TMOD1: variants seen among roughly 807,000 people sequenced by gnomAD.
TMOD1 encodes the protein tropomodulin-1.
Under a neutral mutation model 40.6 loss-of-function variants are expected in TMOD1, and 17 were observed. The observed-to-expected ratio is 0.42, with a 90% CI of 0.29 to 0.63. The LOEUF is 0.63. TMOD1 is among the 20% of genes least tolerant of loss of function. The pLI is 0.22. For missense variants in TMOD1, 391 were observed against 447.6 expected (o/e 0.87, Z 1.14); for synonymous variants, 181 against 175.0 (o/e 1.03, Z -0.27).
intron 2 of TMOD1, among the ~76,000 whole-genome samples, chr9:97,531,739 T>G (rs948765885): frequency 6.6e-6 from 1 of 152,176 alleles, no homozygotes; most frequent in African/African-American, 2.4e-5. Context: ...GGCATCTACA[T>G]ACGCGGTACC....
At chr9:97,592,775 A>G (rs1826028068) in intron 9 of TMOD1, among the ~76,000 whole-genome samples, 1 of 152,186 alleles carries the variant, frequency 6.6e-6, no homozygotes, top group African/African-American at 2.4e-5. Context: ...AATTCCACAA[A>G]CATATACCAA....
intron 8 of TMOD1, among the ~76,000 whole-genome samples, chr9:97,583,802 G>A (rs1185310667): frequency 6.9e-6 from 1 of 145,164 alleles, no homozygotes; most frequent in African/African-American, 2.6e-5. Flanking sequence ...GGTGTTTGTA[G>A]TATTCTCTGA....
intron 2 of TMOD1, among the ~76,000 whole-genome samples, chr9:97,537,740 T>C (rs561740992): frequency 2.6e-5 from 4 of 152,370 alleles, no homozygotes; most frequent in Non-Finnish European, 5.9e-5. Context: ...TTAAACTTTG[T>C]ATTTTCAAAA....
intron 1 of TMOD1, among the ~76,000 whole-genome samples, chr9:97,503,645 G>T (rs569404777): frequency 6.6e-6 from 1 of 152,104 alleles, no homozygotes; most frequent in African/African-American, 2.4e-5. Flanking sequence ...AATAGCCTCC[G>T]CCCCACCTTA....
intron 1 of TMOD1, among the ~76,000 whole-genome samples, chr9:97,510,769 C>G (rs1477159321): frequency 1.3e-5 from 2 of 152,088 alleles, no homozygotes; most frequent in Non-Finnish European, 2.9e-5. Flanking sequence ...CTCTGATGGC[C>G]TCTCTTGTTT....
intron 2 of TMOD1, among the ~76,000 whole-genome samples, chr9:97,533,406 T>A (rs1830133000): frequency 6.6e-6 from 1 of 152,252 alleles, no homozygotes. Flanking sequence ...GGAACCATAC[T>A]GTATGGCCAC....
intron 7 of TMOD1, among the ~76,000 whole-genome samples, chr9:97,567,022 T>C (rs1830739247): frequency 6.6e-6 from 1 of 152,274 alleles, no homozygotes; most frequent in Admixed American, 6.5e-5. Context: ...GAAGCTAGTT[T>C]ATCAGGGCTA....
intron 1 of TMOD1, among the ~76,000 whole-genome samples, chr9:97,523,698 C>T (rs1829952383): frequency 6.6e-6 from 1 of 151,944 alleles, no homozygotes; most frequent in Non-Finnish European, 1.5e-5. Context: ...GGTGAGGGGC[C>T]TGTATGCAGT....
intron 9 of TMOD1, among the ~76,000 whole-genome samples, chr9:97,596,591 G>A (rs1274798600): frequency 4.6e-5 from 7 of 152,316 alleles, no homozygotes; most frequent in Non-Finnish European, 8.8e-5. Flanking sequence ...GGGCAGGACC[G>A]GGATTTGAAT....
At position 97,524,316 on chromosome 9, in the gene TMOD1, G is replaced by GT; in HGVS notation, c.120+8_120+9insT. On this transcript the variant is annotated intron_variant, in intron 2 of 9. Transcript: ENST00000259365. ...GATGAGCTGGACCCTGATGTGAGTA[G>GT]GTGCTAAAGGGAAGCACATTGTCAC... 1 of 1,612,646 alleles carries GT rather than the reference G, an allele frequency of 6.2e-7. No homozygotes were observed. Among genetic ancestry groups the GT allele is most frequent in the Non-Finnish European group, 8.5e-7 (1 of 1,179,476 alleles).
intron 9 of TMOD1, 107 bp from the exon 10 acceptor site, chr9:97,599,527 G>A (rs1007693096): frequency 2.9e-5 from 41 of 1,418,764 alleles, no homozygotes; most frequent in Middle Eastern, 3.5e-4. Flanking sequence ...TTCAGACTCT[G>A]TTAACAAACC....
chr9:97,575,943 CCTAT>C (rs1201205112), intron 8 of TMOD1, among the ~76,000 whole-genome samples: 1 of 152,166 alleles, frequency 6.6e-6, no homozygotes, highest in Non-Finnish European at 1.5e-5. Flanking sequence ...TTTGAAAGCG[CCTAT>C]CTTTCAACCT....
intron 9 of TMOD1, among the ~76,000 whole-genome samples, chr9:97,597,575 G>A (rs1157136955): frequency 1.3e-5 from 2 of 151,512 alleles, no homozygotes; most frequent in African/African-American, 4.9e-5. Flanking sequence ...GTGCATGCCT[G>A]TAGTCCCAGC....
At chr9:97,538,032 C>G (rs1249062592) in intron 2 of TMOD1, among the ~76,000 whole-genome samples, 1 of 152,104 alleles carries the variant, frequency 6.6e-6, no homozygotes, top group Non-Finnish European at 1.5e-5. Context: ...AGGTTTCACA[C>G]AAAACTGAGC....
In TMOD1 at chr9:97,599,609, ATATCT is replaced by A. The variant is rs1564003383; in HGVS notation, c.1016-19_1016-15del. 1.2e-6 allele frequency: 2 copies of A among 1,614,054 alleles called. No homozygotes were observed. The highest frequency in any genetic ancestry group is 3.3e-5 in the Admixed American group (2 of 60,016). On this transcript the variant is annotated intron_variant, in intron 9 of 9. Transcript: ENST00000259365. The stretch of plus-strand genomic sequence containing the variant: ...CCTGGTCTACAGGGAAAAGTGCCTT[ATATCT>A]TATCTCCATTCCTTTCCAGTGAGGA...
At chr9:97,559,075 A>G (rs1351721846) in intron 4 of TMOD1, among the ~76,000 whole-genome samples, 6 of 152,084 alleles carry the variant, frequency 3.9e-5, no homozygotes, top group African/African-American at 1.4e-4. Context: ...CTCCACTCTA[A>G]GCCACACCAG....
At chr9:97,540,939 C>T (rs966091487) in intron 2 of TMOD1, among the ~76,000 whole-genome samples, 13 of 152,170 alleles carry the variant, frequency 8.5e-5, no homozygotes, top group African/African-American at 3.1e-4. Flanking sequence ...AGGGTTGTAT[C>T]ATTTTACATT....
intron 2 of TMOD1, among the ~76,000 whole-genome samples, chr9:97,536,687 GTC>G (rs1159762031): frequency 2.0e-5 from 3 of 152,096 alleles, no homozygotes; most frequent in Non-Finnish European, 2.9e-5. Flanking sequence ...TGGGCTCTCG[GTC>G]CAGCGTATGA....
At chr9:97,526,988 C>G (rs1830024222) in intron 2 of TMOD1, among the ~76,000 whole-genome samples, 1 of 152,144 alleles carries the variant, frequency 6.6e-6, no homozygotes, top group Non-Finnish European at 1.5e-5. Flanking sequence ...CCTCCTCTTC[C>G]TGATATTCAC....
Sources: allele counts gnomAD v4.1 joint callset (sites outside exome capture counted in the v4.1 genomes callset), GRCh38; gene constraint gnomAD v4.1.1; transcripts MANE v1.5; gene names NCBI Gene and HGNC (gene_info 2026-07-23, HGNC 2026-07-21).